RNF145: variants seen among roughly 807,000 people sequenced by gnomAD.
The protein encoded by RNF145 is ring finger protein 145.
A neutral mutation model predicts 57.3 loss-of-function variants in RNF145; 12 were observed. That is an observed-to-expected ratio of 0.21 (90% confidence interval 0.13 to 0.34). The LOEUF (loss-of-function observed/expected upper bound fraction) is 0.34, where lower values mean the gene tolerates loss of function less well. Among genes scored for constraint, RNF145 ranks in the 10% least tolerant of loss-of-function variants. RNF145 has a pLI of 1.00. For synonymous variants in RNF145, 262 were observed against 288.3 expected (o/e 0.91, Z 0.92); for missense variants, 429 against 799.0 (o/e 0.54, Z 5.58).
At chr5:159,167,430 T>C (rs1403659934) in intron 8 of RNF145, among the ~76,000 whole-genome samples, 3 of 152,224 alleles carry the variant, frequency 2.0e-5, no homozygotes, top group African/African-American at 4.8e-5. Flanking sequence ...GTAGTGAGGA[T>C]AGTTCAGTAT....
intron 3 of RNF145, among the ~76,000 whole-genome samples, chr5:159,192,316 G>A (rs2113203471): frequency 6.6e-6 from 1 of 152,152 alleles, no homozygotes; most frequent in South Asian, 2.1e-4. Flanking sequence ...TAGCACTGTA[G>A]ATAAAAACAG....
intron 2 of RNF145, among the ~76,000 whole-genome samples, chr5:159,200,341 A>G (rs967705702): frequency 2.0e-5 from 3 of 152,188 alleles, no homozygotes; most frequent in Non-Finnish European, 4.4e-5. Context: ...CCCTCAACAA[A>G]TAAGACAGCG....
At chr5:159,195,267 G>A (rs897484103) in intron 2 of RNF145, among the ~76,000 whole-genome samples, 1 of 151,536 alleles carries the variant, frequency 6.6e-6, no homozygotes, top group Non-Finnish European at 1.5e-5. Context: ...ACTTTCAGTC[G>A]TTCCCCCTGA....
chr5:159,174,009 C>T lies in RNF145; in HGVS notation c.771G>A (p.Glu257=), dbSNP rs768554555. 1.2e-6 allele frequency: 2 copies of T among 1,611,506 alleles called. No individual in the cohort carries two copies. Among genetic ancestry groups the T allele is most frequent in the South Asian group, 2.2e-5 (2 of 90,578 alleles). ...TTGTCAGAAAAAGGAAAAGAAGCCT[C>T]TCACGTGATGCAGGCTGATCTCGAG... ...FSTRDQPASR[E]RLLFLFLTSI... The change falls in exon 6 of 11, where the codon GAG becomes GAA. Residue 257 remains glutamate (E), a synonymous_variant. Transcript: ENST00000424310.
At chr5:159,190,755 T>C (rs899695747) in intron 3 of RNF145, among the ~76,000 whole-genome samples, 1 of 150,892 alleles carries the variant, frequency 6.6e-6, no homozygotes, top group African/African-American at 2.4e-5. Flanking sequence ...TTTTTAAAAC[T>C]AAAACCTTCA....
At chr5:159,181,928 T>C (rs373158737) in intron 4 of RNF145, 32 bp downstream of exon 4, 41 of 1,290,366 alleles carry the variant, frequency 3.2e-5, no homozygotes, top group Middle Eastern at 2.5e-4. Context: ...GGTCGGTTCC[T>C]ACCTACACTT....
At chr5:159,179,392 T>C (rs1249958369) in intron 4 of RNF145, among the ~76,000 whole-genome samples, 2 of 152,094 alleles carry the variant, frequency 1.3e-5, no homozygotes, top group African/African-American at 2.4e-5. Flanking sequence ...ATTCCACTAT[T>C]AGAAATATCT....
chr5:159,168,992 C>T lies in RNF145; in HGVS notation c.1002G>A (p.Gln334=). The change falls in exon 8 of 11, where the codon CAG becomes CAA. Residue 334 remains glutamine, a synonymous_variant. Transcript: ENST00000424310. The stretch of plus-strand genomic sequence containing the variant: ...TGAGCAAGAATGCCCGATGAACAAC[C>T]TGCAGTTCTATCAGCCCAGTCTGCA... ...LAVQTGLIEL[Q]VVHRAFLLSI... is the part of the protein sequence containing the mutation. 1 of 1,609,510 alleles carries T rather than the reference C, an allele frequency of 6.2e-7. No individual in the cohort carries two copies. Among genetic ancestry groups the T allele is most frequent in the Non-Finnish European group, 8.5e-7 (1 of 1,178,670 alleles).
At chr5:159,181,381 T>C (rs537157287) in intron 4 of RNF145, among the ~76,000 whole-genome samples, 1 of 152,258 alleles carries the variant, frequency 6.6e-6, no homozygotes, top group Non-Finnish European at 1.5e-5. Flanking sequence ...TAACACCTTC[T>C]ACATGGGTGA....
chr5:159,179,873 C>A (rs1181979221), intron 4 of RNF145, among the ~76,000 whole-genome samples: 2 of 152,124 alleles, frequency 1.3e-5, no homozygotes, highest in African/African-American at 4.8e-5. Context: ...AGGTTACTGT[C>A]TCAATTTAAT....
In RNF145 at chr5:159,175,553, T is replaced by C. The variant is rs921604273; in HGVS notation, c.621+1079A>G. Among the ~76,000 whole-genome samples, 2 of 152,256 alleles carry C rather than the reference T, an allele frequency of 1.3e-5. 1 individual carries two copies. Among genetic ancestry groups the C allele is most frequent in the East Asian group, 3.9e-4 (2 of 5,194 alleles). On this transcript the variant is annotated intron_variant, in intron 5 of 10. Coordinates refer to ENST00000424310, the MANE Select transcript of RNF145 (RefSeq NM_001199383.2). ...TAAGACTGAATTCAAAGAAAAAATA[T>C]GTATCTTAAATTTGTCATTATTACC...
At chr5:159,201,209 T>C (rs1163385432) in intron 2 of RNF145, among the ~76,000 whole-genome samples, 3 of 152,180 alleles carry the variant, frequency 2.0e-5, no homozygotes, top group African/African-American at 7.2e-5. Context: ...TCTGCATACA[T>C]AGTTCCACAG....
At chr5:159,183,145 G>A (rs1784949177) in intron 3 of RNF145, among the ~76,000 whole-genome samples, 1 of 152,124 alleles carries the variant, frequency 6.6e-6, no homozygotes, top group Non-Finnish European at 1.5e-5. Flanking sequence ...TAAGTTATAT[G>A]GGTGATCTAG....
chr5:159,207,432 T>C, intron 1 of RNF145: 1 of 1,261,346 alleles, frequency 7.9e-7, no homozygotes, highest in Non-Finnish European at 1.1e-6. Flanking sequence ...ACAATACTTC[T>C]ACACCTTCCC....
chr5:159,169,981 T>C (rs17719770), intron 6 of RNF145, among the ~76,000 whole-genome samples, 162 bp from the exon 7 acceptor site: 18,363 of 152,244 alleles, frequency 0.12, 1,453 homozygotes, highest in South Asian at 0.2. Context: ...ATTAATAATT[T>C]AACCATCTTA....
chr5:159,181,936 C>T, intron 4 of RNF145, 24 bp downstream of exon 4: 2 of 1,389,578 alleles, frequency 1.4e-6, no homozygotes, highest in East Asian at 2.3e-5. Flanking sequence ...CCTACCTACA[C>T]TTTAATTCTT....
At chr5:159,207,632 A>G (rs779878096) in intron 1 of RNF145, 49 of 1,602,272 alleles carry the variant, frequency 3.1e-5, no homozygotes, top group African/African-American at 1.1e-4. Flanking sequence ...TAAAATTCTA[A>G]GTAAAAGCCC....
intron 4 of RNF145, among the ~76,000 whole-genome samples, chr5:159,179,636 T>C (rs1432622791): frequency 2.6e-5 from 4 of 152,136 alleles, no homozygotes; most frequent in Non-Finnish European, 5.9e-5. Flanking sequence ...ATATTTATAA[T>C]ACAAGTATAT....
intron 2 of RNF145, among the ~76,000 whole-genome samples, chr5:159,202,938 T>C (rs1206406340): frequency 6.6e-6 from 1 of 151,944 alleles, no homozygotes; most frequent in African/African-American, 2.4e-5. Context: ...AAAAAAATTA[T>C]AGTTCCAGGA....
Sources: allele counts gnomAD v4.1 joint callset (sites outside exome capture counted in the v4.1 genomes callset), GRCh38; gene constraint gnomAD v4.1.1; transcripts MANE v1.5; gene names NCBI Gene and HGNC (gene_info 2026-07-23, HGNC 2026-07-21).